DNPEP: variants seen among roughly 807,000 people sequenced by gnomAD.
The protein encoded by DNPEP is aspartyl aminopeptidase.
DNPEP carries 46 observed loss-of-function variants against 59.1 expected under a neutral mutation model. That is an observed-to-expected ratio of 0.78 (90% CI 0.61 to 0.99). DNPEP has a LOEUF of 0.99. Ranked by LOEUF, DNPEP falls within the 50% of genes least tolerant of loss-of-function variation. The probability of loss-of-function intolerance (pLI) is 0.00; values close to 1 mark genes in which losing one functional copy is unlikely to be tolerated. For missense variants in DNPEP, 617 were observed against 649.9 expected, an observed-to-expected ratio of 0.95 and a Z score of 0.55; for synonymous variants, 229 against 242.2, an observed-to-expected ratio of 0.95 and a Z score of 0.50.
chr2:219,388,692 T>G (rs1346322274), upstream of DNPEP: 1 of 985,548 alleles, frequency 1.0e-6, no homozygotes, highest in Non-Finnish European at 1.2e-6. Context: ...AGCTCGCCCC[T>G]CCAGCTCACC....
At chr2:219,393,743 A>T (rs1454049037), upstream of DNPEP, 1 of 152,156 alleles carries the variant, frequency 6.6e-6, no homozygotes, top group Non-Finnish European at 1.5e-5. Flanking sequence ...CATGGTTCCC[A>T]TTTTACTGTG....
chr2:219,393,601 A>T (rs1486652775), upstream of DNPEP: 1 of 152,266 alleles, frequency 6.6e-6, no homozygotes. Flanking sequence ...CTTTAAACTC[A>T]ACCACTAACC....
intron 10 of DNPEP, among the ~76,000 whole-genome samples, chr2:219,382,561 T>C (rs1270980998): frequency 6.6e-6 from 1 of 152,260 alleles, no homozygotes; most frequent in Admixed American, 6.5e-5. Flanking sequence ...CTGTGGAATG[T>C]AAGCAGTGAT....
In DNPEP at chr2:219,384,409, G is replaced by A; in HGVS notation, c.809C>T (p.Ala270Val). The A allele has an allele frequency of 6.2e-7, 1 of 1,612,034 alleles. No individual in the cohort carries two copies. The highest frequency in any genetic ancestry group is 1.1e-5 in the South Asian group (1 of 90,590). Residue 270 changes from alanine (A) to valine (V), a missense_variant, in exon 9 of 15, where the codon GCT becomes GTT. Transcript: ENST00000273075. The stretch of plus-strand genomic sequence containing the variant: ...GCTGTGCAGATTGTCCAGCCGAGGA[G>A]CAAAGATGAACTCATCATAGGCACC... ...LGGAYDEFIF[A>V]PRLDNLHSCF...
At chr2:219,393,771 AAG>A (rs1954054992), upstream of DNPEP, 2 of 152,162 alleles carry the variant, frequency 1.3e-5, no homozygotes, top group African/African-American at 4.8e-5. Flanking sequence ...AAGCCTTCAA[AAG>A]AGAATTTCCG....
At chr2:219,392,282 C>T (rs529880632), upstream of DNPEP, among the ~76,000 whole-genome samples, 8 of 151,812 alleles carry the variant, frequency 5.3e-5, no homozygotes, top group Middle Eastern at 3.4e-3. Flanking sequence ...AGTGCAAATA[C>T]TTTTGCGTGA....
At chr2:219,390,572 A>G (rs906422684), upstream of DNPEP, among the ~76,000 whole-genome samples, 1 of 152,148 alleles carries the variant, frequency 6.6e-6, no homozygotes, top group Admixed American at 6.5e-5. Context: ...AAATGAGATA[A>G]CAGTTGGGCG....
At chr2:219,382,270 T>A in intron 10 of DNPEP, 131 bp from the exon 11 acceptor site, 1 of 1,000,474 alleles carries the variant, frequency 1.0e-6, no homozygotes, top group Non-Finnish European at 1.5e-6. Context: ...GCAACACCCC[T>A]AACCTGGGGT....
intron 13 of DNPEP, among the ~76,000 whole-genome samples, chr2:219,379,250 GAAAAAAA>G (rs561225315): frequency 7.3e-6 from 1 of 136,480 alleles, no homozygotes; most frequent in African/African-American, 2.7e-5. Flanking sequence ...CTACTTATTA[GAAAAAAA>G]AAAAAAAGTT....
chr2:219,380,139 A>C (rs1260333652), intron 13 of DNPEP, among the ~76,000 whole-genome samples: 1 of 151,498 alleles, frequency 6.6e-6, no homozygotes, highest in African/African-American at 2.4e-5. Context: ...TAAGTGCCCT[A>C]TACAGGTGGA....
upstream of DNPEP, among the ~76,000 whole-genome samples, chr2:219,390,580 G>A (rs1279149783): frequency 6.6e-6 from 1 of 152,214 alleles, no homozygotes; most frequent in African/African-American, 2.4e-5. Context: ...TAACAGTTGG[G>A]CGTGGTGGCT....
In DNPEP at chr2:219,385,769, A is replaced by C. The variant is rs766549206; in HGVS notation, c.591-63T>G. The C allele has an allele frequency of 4.7e-6, 7 of 1,476,490 alleles. No homozygotes were observed. In the African/African-American group the frequency reaches 9.8e-5, roughly 21 times the overall value. The allele number at this position is 1,476,490 out of a possible 1,614,324, so 91.5% of individuals were successfully genotyped here. ...GGGCACAGCTGAGTGCGGCATCCATAAGTTCAGGTGCCTCCTGATGGGCAA... is the reference window on the plus strand; with the variant it reads ...GGGCACAGCTGAGTGCGGCATCCATCAGTTCAGGTGCCTCCTGATGGGCAA... On this transcript the variant is annotated intron_variant, in intron 6 of 14. Transcript: ENST00000273075.
At chr2:219,385,400 C>A in intron 8 of DNPEP, 24 bp downstream of exon 8, 1 of 1,567,330 alleles carries the variant, frequency 6.4e-7, no homozygotes, top group Non-Finnish European at 8.8e-7. Context: ...CCTTCACCCA[C>A]AGGTTCCTAC....
chr2:219,394,683 C>T (rs1954068389), intron 1 of DNPEP, among the ~76,000 whole-genome samples: 1 of 152,172 alleles, frequency 6.6e-6, no homozygotes, highest in Admixed American at 6.5e-5. Flanking sequence ...AGTATCCATA[C>T]CCTGACAATT....
intron 10 of DNPEP, 37 bp downstream of exon 10, chr2:219,383,094 T>G (rs761059537): frequency 1.3e-6 from 2 of 1,592,736 alleles, no homozygotes; most frequent in Non-Finnish European, 1.7e-6. Flanking sequence ...TGTGGAAGAC[T>G]CCGCAGAGGT....
At chr2:219,379,588 G>T (rs149987778) in intron 13 of DNPEP, among the ~76,000 whole-genome samples, 1 of 152,164 alleles carries the variant, frequency 6.6e-6, no homozygotes, top group Admixed American at 6.5e-5. Flanking sequence ...GCCAACTGTT[G>T]TTACAAAGGA....
At position 219,373,999 on chromosome 2, in the gene DNPEP, T is replaced by C; in HGVS notation, c.*293A>G. On this transcript the variant is annotated 3_prime_UTR_variant, in exon 15 of 15. Coordinates refer to ENST00000273075, the MANE Select transcript of DNPEP (RefSeq NM_012100.4). ...AGGGGTGGGAGAAGTGACCTTCTGC[T>C]TGAGGATCCAGTCCACCCTTCACCC... 3 of 386,384 alleles carry C rather than the reference T, an allele frequency of 7.8e-6. No homozygotes were observed. Among genetic ancestry groups the C allele is most frequent in the Non-Finnish European group, 1.4e-5 (3 of 211,252 alleles). 23.9% of individuals were successfully genotyped at this position (386,384 alleles called of 1,614,324 possible).
rs1289833363 is a variant in DNPEP, at chr2:219,395,977, A to G, written c.-158+3963T>C. 4.6e-5 allele frequency among the ~76,000 whole-genome samples: 7 copies of G among 152,232 alleles called. 1 individual carries two copies. The highest frequency in any genetic ancestry group is 8.8e-5 in the Non-Finnish European group (6 of 68,042). ...TTTGAAAAATAATTGTTCTTTGTGAAAAAGGGCCCTCATGGGATAATACTC... is the reference window on the plus strand; with the variant it reads ...TTTGAAAAATAATTGTTCTTTGTGAGAAAGGGCCCTCATGGGATAATACTC... On this transcript the variant is annotated intron_variant, in intron 1 of 6. Coordinates refer to the DNPEP transcript ENST00000434339.
upstream of DNPEP, chr2:219,388,000 C>A: frequency 8.1e-7 from 1 of 1,236,948 alleles, no homozygotes; most frequent in Non-Finnish European, 1.0e-6. Flanking sequence ...TCGGTCAGCC[C>A]CGCCCCTCGG....
Sources: gnomAD v4.1 joint callset for allele counts (sites outside exome capture counted in the v4.1 genomes callset) on GRCh38, gnomAD v4.1.1 for gene constraint, MANE v1.5 for transcripts, NCBI Gene and HGNC (gene_info 2026-07-23, HGNC 2026-07-21) for gene names.